CACNB4: variants seen among roughly 807,000 people sequenced by gnomAD.
The protein encoded by CACNB4 is calcium voltage-gated channel auxiliary subunit beta 4.
In CACNB4, 32 loss-of-function variants were observed where a neutral mutation model predicts 71.2. The ratio of observed to expected loss-of-function variants is 0.45; its 90% CI spans 0.34 to 0.60. The LOEUF (loss-of-function observed/expected upper bound fraction) is 0.60, where lower values mean the gene tolerates loss of function less well. CACNB4 is among the 20% of genes least tolerant of loss of function. The pLI, the probability that CACNB4 is intolerant of heterozygous loss-of-function variation, is 0.01. For synonymous variants in CACNB4, 231 were observed against 236.9 expected, an observed-to-expected ratio of 0.97 and a Z score of 0.23; for missense variants, 464 against 647.9, an observed-to-expected ratio of 0.72 and a Z score of 3.08.
intron 2 of CACNB4, among the ~76,000 whole-genome samples, chr2:151,918,704 G>T (rs1040474343): frequency 2.6e-5 from 4 of 152,194 alleles, no homozygotes; most frequent in Non-Finnish European, 2.9e-5. Flanking sequence ...GATTGTGTGC[G>T]TACTGCTACA....
chr2:152,006,095 C>T (rs981183366), intron 2 of CACNB4, among the ~76,000 whole-genome samples: 1 of 152,196 alleles, frequency 6.6e-6, no homozygotes, highest in African/African-American at 2.4e-5. Flanking sequence ...GAAGATATGC[C>T]TCATATACCA....
At chr2:152,027,667 C>T (rs976960319) in intron 2 of CACNB4, among the ~76,000 whole-genome samples, 1 of 152,108 alleles carries the variant, frequency 6.6e-6, no homozygotes, top group Admixed American at 6.5e-5. Flanking sequence ...GCCTGACCCA[C>T]ACGGTGAAAC....
intron 2 of CACNB4, among the ~76,000 whole-genome samples, chr2:152,072,282 G>T (rs1365495418): frequency 6.6e-6 from 1 of 152,268 alleles, no homozygotes; most frequent in Non-Finnish European, 1.5e-5. Flanking sequence ...GACCAAGGGA[G>T]CACAGTCTGG....
intron 2 of CACNB4, among the ~76,000 whole-genome samples, chr2:152,014,686 GC>G: frequency 6.9e-6 from 1 of 144,368 alleles, no homozygotes; most frequent in Non-Finnish European, 1.5e-5. Context: ...AGCTGAGATT[GC>G]ACCACTGCAC....
At chr2:152,069,164 T>C (rs1219666350) in intron 2 of CACNB4, among the ~76,000 whole-genome samples, 1 of 152,184 alleles carries the variant, frequency 6.6e-6, no homozygotes, top group Admixed American at 6.5e-5. Context: ...TTCATGGGGC[T>C]TCACAGAGAG....
chr2:151,840,437 T>G (rs1475905460), intron 13 of CACNB4, among the ~76,000 whole-genome samples: 2 of 152,220 alleles, frequency 1.3e-5, no homozygotes, highest in African/African-American at 4.8e-5. Context: ...AATATAAAAG[T>G]GCAACATTGC....
At chr2:151,955,024 T>TTTTTGTA (rs1334697105) in intron 2 of CACNB4, among the ~76,000 whole-genome samples, 2 of 151,882 alleles carry the variant, frequency 1.3e-5, no homozygotes, top group African/African-American at 4.8e-5. Context: ...CAGCTAATTT[T>TTTTTGTA]TTTTGTATTT....
At chr2:151,922,423 G>A (rs762018680) in intron 2 of CACNB4, among the ~76,000 whole-genome samples, 23 of 152,044 alleles carry the variant, frequency 1.5e-4, no homozygotes, top group Admixed American at 1.3e-4. Flanking sequence ...GGCTGGTCTT[G>A]AACTCCTGGC....
intron 2 of CACNB4, among the ~76,000 whole-genome samples, chr2:151,957,007 G>C (rs1463867500): frequency 6.6e-6 from 1 of 152,108 alleles, no homozygotes; most frequent in African/African-American, 2.4e-5. Context: ...TTAGCCGTTA[G>C]CTGGGCGTGG....
intron 2 of CACNB4, among the ~76,000 whole-genome samples, chr2:152,018,340 C>T (rs1359600805): frequency 6.6e-6 from 1 of 151,980 alleles, no homozygotes; most frequent in African/African-American, 2.4e-5. Flanking sequence ...GCACTAAGAC[C>T]TGGGAGCATC....
At chr2:151,958,024 C>T (rs2099868755) in intron 2 of CACNB4, among the ~76,000 whole-genome samples, 2 of 152,050 alleles carry the variant, frequency 1.3e-5, no homozygotes, top group Admixed American at 6.5e-5. Flanking sequence ...TATTAGTGGG[C>T]TACTGGGTGC....
intron 2 of CACNB4, among the ~76,000 whole-genome samples, chr2:152,031,763 A>G (rs1194334959): frequency 6.6e-6 from 1 of 152,196 alleles, no homozygotes; most frequent in Non-Finnish European, 1.5e-5. Context: ...CTGAAGAGAG[A>G]CCTGGAGTTA....
intron 2 of CACNB4, among the ~76,000 whole-genome samples, chr2:151,994,765 C>T (rs566715134): frequency 1.3e-5 from 2 of 152,252 alleles, no homozygotes; most frequent in East Asian, 1.9e-4. Context: ...TCCTTTTAGC[C>T]TCCTGATTTC....
chr2:152,089,646 G>A (rs1687857387), intron 2 of CACNB4, among the ~76,000 whole-genome samples: 1 of 152,160 alleles, frequency 6.6e-6, no homozygotes, highest in Non-Finnish European at 1.5e-5. Flanking sequence ...TAAAAAGCAT[G>A]CAAAGCCAAG....
intron 9 of CACNB4, among the ~76,000 whole-genome samples, chr2:151,864,039 T>A (rs2099842447): frequency 6.6e-6 from 1 of 152,232 alleles, no homozygotes; most frequent in African/African-American, 2.4e-5. Flanking sequence ...CACAACTGAA[T>A]ACTATCTAGC....
intron 2 of CACNB4, among the ~76,000 whole-genome samples, chr2:152,018,192 G>A (rs948072605): frequency 1.3e-5 from 2 of 151,952 alleles, no homozygotes; most frequent in Non-Finnish European, 2.9e-5. Flanking sequence ...GATTAGAAGC[G>A]AAAATAAACA....
At chr2:151,909,970 A>G (rs2099855782) in intron 2 of CACNB4, among the ~76,000 whole-genome samples, 1 of 152,178 alleles carries the variant, frequency 6.6e-6, no homozygotes, top group Non-Finnish European at 1.5e-5. Context: ...TGTCTTCCAC[A>G]ATGGTTGAAC....
At position 151,880,718 on chromosome 2, in the gene CACNB4, C is replaced by T. The variant is rs1203295158; in HGVS notation, c.390+82G>A. 13 of 1,486,992 alleles carry T rather than the reference C, an allele frequency of 8.7e-6. No individual in the cohort carries two copies. The East Asian group carries it at 2.9e-4, about 33-fold the overall frequency. 92.1% of individuals were successfully genotyped at this position (1,486,992 alleles called of 1,614,324 possible). A position where few individuals can be genotyped will look rare whatever the true frequency, so the allele number is the denominator to read the frequency against. ...CTGCACTGGCAGCTCCTTGGGTCTCCTCTCTGGCTAGTTTGGCTCAGAGCT... is the reference window on the plus strand; with the variant it reads ...CTGCACTGGCAGCTCCTTGGGTCTCTTCTCTGGCTAGTTTGGCTCAGAGCT... On this transcript the variant is annotated intron_variant, in intron 4 of 13. Transcript: ENST00000539935.
chr2:151,928,148 C>CT (rs2099860712), intron 2 of CACNB4, among the ~76,000 whole-genome samples: 1 of 152,158 alleles, frequency 6.6e-6, no homozygotes, highest in African/African-American at 2.4e-5. Flanking sequence ...GCTTTGAACT[C>CT]TAAGTATGAA....
Sources: gnomAD v4.1 joint callset for allele counts (sites outside exome capture counted in the v4.1 genomes callset) on GRCh38, gnomAD v4.1.1 for gene constraint, MANE v1.5 for transcripts, NCBI Gene and HGNC (gene_info 2026-07-23, HGNC 2026-07-21) for gene names.